The following CFAP20DC variants were observed in gnomAD, a reference collection of about 807,000 sequenced individuals.
CFAP20DC encodes protein CFAP20DC.
CFAP20DC carries 84 observed loss-of-function variants against 101.7 expected under a neutral mutation model. That is an observed-to-expected ratio of 0.83 (90% confidence interval 0.69 to 0.99). CFAP20DC has a LOEUF of 0.99. Ranked by LOEUF, CFAP20DC falls within the 50% of genes least tolerant of loss-of-function variation. CFAP20DC has a pLI of 0.00. For missense variants in CFAP20DC, 1,007 were observed against 970.3 expected (o/e 1.04, Z -0.50); for synonymous variants, 359 against 351.2 (o/e 1.02, Z -0.25).
At chr3:58,966,503 T>C (rs1165165644) in intron 4 of CFAP20DC, among the ~76,000 whole-genome samples, 1 of 149,478 alleles carries the variant, frequency 6.7e-6, no homozygotes, top group Admixed American at 6.7e-5. Context: ...CATATGTGTG[T>C]GTGTGTGTAT....
intron 7 of CFAP20DC, among the ~76,000 whole-genome samples, chr3:58,883,004 T>C (rs954909666): frequency 6.6e-6 from 1 of 152,224 alleles, no homozygotes; most frequent in African/African-American, 2.4e-5. Flanking sequence ...ATTTAGGACA[T>C]GCAATATGAT....
intron 3 of CFAP20DC, among the ~76,000 whole-genome samples, chr3:58,733,598 G>A (rs1211209014): frequency 6.6e-6 from 1 of 152,112 alleles, no homozygotes; most frequent in Non-Finnish European, 1.5e-5. Context: ...CTGTTGATTT[G>A]GTCTTGGATT....
Position 58,795,679 on chromosome 3 carries a change from G to A in CFAP20DC, c.2237+10716C>T, listed in dbSNP as rs191604472. On this transcript the variant is annotated intron_variant, in intron 15 of 16. Transcript: ENST00000482387. The surrounding 1 kb of genome is among the most constrained non-coding windows in gnomAD (Gnocchi z 4.2). ...TAATAGCGAAAGCCAAGATTCTTCA[G>A]GTATCTGTCTTTTCAGACACAGAAG... Among the ~76,000 whole-genome samples the A allele has an allele frequency of 3.3e-5, 5 of 152,292 alleles. No individual in the cohort carries two copies. In the East Asian group the frequency reaches 7.7e-4, roughly 23 times the overall value.
chr3:58,792,340 G>A (rs181442299), intron 15 of CFAP20DC, among the ~76,000 whole-genome samples: 38 of 152,210 alleles, frequency 2.5e-4, no homozygotes, highest in African/African-American at 8.2e-4. Context: ...TTTACTCCGA[G>A]TTTCATTGTA....
chr3:59,046,149 C>T, intron 3 of CFAP20DC, 80 bp downstream of exon 3: 1 of 950,024 alleles, frequency 1.1e-6, no homozygotes, highest in Non-Finnish European at 1.6e-6. Context: ...AGAAGTCATA[C>T]TAATGTGCCT....
At chr3:58,819,725 G>T (rs375341768) in intron 14 of CFAP20DC, among the ~76,000 whole-genome samples, 5,701 of 130,874 alleles carry the variant, frequency 0.044, 335 homozygotes, top group East Asian at 0.14. Flanking sequence ...AAGGAGGAAC[G>T]GGTACCATTC....
In CFAP20DC at chr3:58,994,231, C is replaced by A. The variant is rs542287299; in HGVS notation, c.278+45326G>T. Reference sequence around the variant, plus strand: ...CAAGCTCAGCACACACTGAGCTTAACTGACACAAAATTCCAAGTCAATGGA... The same window carrying A: ...CAAGCTCAGCACACACTGAGCTTAAATGACACAAAATTCCAAGTCAATGGA... On this transcript the variant is annotated intron_variant, in intron 4 of 16. Transcript: ENST00000482387. Among the ~76,000 whole-genome samples, 18 of 152,292 alleles carry A rather than the reference C, an allele frequency of 1.2e-4. No individual in the cohort carries two copies. The East Asian group carries it at 3.5e-3, about 29-fold the overall frequency.
chr3:58,745,774 AG>A (rs1332757033), intron 16 of CFAP20DC, among the ~76,000 whole-genome samples: 2 of 152,200 alleles, frequency 1.3e-5, no homozygotes, highest in East Asian at 3.8e-4. Context: ...TCATAGAGGC[AG>A]GAAGGATGAT....
chr3:58,796,569 C>G (rs947942557), intron 15 of CFAP20DC, among the ~76,000 whole-genome samples: 1 of 152,098 alleles, frequency 6.6e-6, no homozygotes, highest in Non-Finnish European at 1.5e-5. Flanking sequence ...AAGGACCTCT[C>G]CAGGAACAGA....
At chr3:58,982,544 A>C (rs1002302264) in intron 4 of CFAP20DC, among the ~76,000 whole-genome samples, 2 of 152,086 alleles carry the variant, frequency 1.3e-5, no homozygotes, top group Non-Finnish European at 1.5e-5. Flanking sequence ...TGAAGAGTTC[A>C]TGTCCTTTGT....
At chr3:58,969,629 C>T (rs1240021129) in intron 4 of CFAP20DC, among the ~76,000 whole-genome samples, 1 of 152,162 alleles carries the variant, frequency 6.6e-6, no homozygotes, top group African/African-American at 2.4e-5. Flanking sequence ...ATGTATTATT[C>T]TTCAGGCCTA....
intron 5 of CFAP20DC, among the ~76,000 whole-genome samples, chr3:58,933,297 A>G (rs2086990228): frequency 1.3e-5 from 2 of 151,750 alleles, no homozygotes; most frequent in African/African-American, 2.4e-5. Context: ...CTACAAAGAG[A>G]CTTAGACTCC....
chr3:58,884,546 T>C lies in CFAP20DC; in HGVS notation c.714A>G (p.Ser238=), dbSNP rs895398848. ...TAATTTAGGTGCCTGAGTGTCTACC[T>C]GATTCTGCTGATCTTAGAGGATGGC... ...FGGHPLRSAE[S]DQFINRGTSI... The change falls in exon 7 of 17, where the codon TCA becomes TCG. Residue 238 remains serine (S), a splice_region_variant and synonymous_variant. Coordinates refer to ENST00000482387, the MANE Select transcript of CFAP20DC (RefSeq NM_001394063.1). The C allele has an allele frequency of 6.2e-7, 1 of 1,613,732 alleles. No homozygotes were observed. Among genetic ancestry groups the C allele is most frequent in the East Asian group, 2.2e-5 (1 of 44,892 alleles).
intron 4 of CFAP20DC, among the ~76,000 whole-genome samples, chr3:58,975,938 C>T (rs1206721319): frequency 6.6e-6 from 1 of 152,138 alleles, no homozygotes; most frequent in Non-Finnish European, 1.5e-5. Flanking sequence ...ACAACACTTT[C>T]ACATGATTGT....
chr3:58,764,835 C>G (rs897203705), intron 15 of CFAP20DC, among the ~76,000 whole-genome samples: 1 of 152,084 alleles, frequency 6.6e-6, no homozygotes, highest in Admixed American at 6.6e-5. Flanking sequence ...TGTCTCCCAC[C>G]CTTACCCTCC....
intron 3 of CFAP20DC, among the ~76,000 whole-genome samples, chr3:58,733,847 A>T (rs1015124098): frequency 6.6e-6 from 1 of 152,234 alleles, no homozygotes; most frequent in Non-Finnish European, 1.5e-5. Context: ...CATGAAACTA[A>T]TGGTCCCATT....
Position 59,007,874 on chromosome 3 carries a change from G to A in CFAP20DC, c.278+31683C>T, listed in dbSNP as rs2093475551. On this transcript the variant is annotated intron_variant, in intron 4 of 16. Transcript: ENST00000482387. This position sits in a 1 kb window ranked among gnomAD's most constrained non-coding sequence, Gnocchi z 4.4. ...CAAAAAACTCTGAACAGCAGGACTT[G>A]GGTTTCAGATCTTTCCACTGGTAGG... 1.3e-5 allele frequency among the ~76,000 whole-genome samples: 2 copies of A among 152,174 alleles called. No individual in the cohort carries two copies. The highest frequency in any genetic ancestry group is 2.4e-5 in the African/African-American group (1 of 41,446).
intron 16 of CFAP20DC, among the ~76,000 whole-genome samples, chr3:58,752,643 C>T (rs974291517): frequency 5.3e-5 from 8 of 152,114 alleles, no homozygotes; most frequent in African/African-American, 1.7e-4. Flanking sequence ...ATTTTTCTGT[C>T]ATAAGTAATT....
At chr3:58,809,197 C>A (rs1021001149) in intron 14 of CFAP20DC, among the ~76,000 whole-genome samples, 1 of 151,984 alleles carries the variant, frequency 6.6e-6, no homozygotes, top group Non-Finnish European at 1.5e-5. Flanking sequence ...CTGCACCAAG[C>A]GGACCTAATA....
Sources: gnomAD v4.1 joint callset for allele counts (sites outside exome capture counted in the v4.1 genomes callset) on GRCh38, gnomAD v4.1.1 for gene constraint, Gnocchi (gnomAD v3.1) non-coding constraint, MANE v1.5 for transcripts, NCBI Gene and HGNC (gene_info 2026-07-23, HGNC 2026-07-21) for gene names.